Variants in GRID1 observed in about 807,000 individuals in gnomAD.
The protein encoded by GRID1 is glutamate ionotropic receptor delta type subunit 1, also known as glutamate receptor ionotropic, delta-1.
Under a neutral mutation model 98.0 loss-of-function variants are expected in GRID1, and 28 were observed. The ratio of observed to expected loss-of-function variants is 0.29; its 90% CI spans 0.21 to 0.39. The LOEUF (loss-of-function observed/expected upper bound fraction) is 0.39. GRID1 is among the 10% of genes least tolerant of loss of function. GRID1 has a pLI of 1.00. For synonymous variants in GRID1, 553 were observed against 538.5 expected (o/e 1.03, Z -0.37); for missense variants, 1,111 against 1,340.5 (o/e 0.83, Z 2.67).
chr10:85,936,475 C>G (rs1029826171), intron 4 of GRID1, among the ~76,000 whole-genome samples: 5 of 151,114 alleles, frequency 3.3e-5, no homozygotes, highest in Non-Finnish European at 7.4e-5. Flanking sequence ...TGTCCCTTAT[C>G]TAGAAACTCA....
At chr10:85,713,136 T>G (rs952723828) in intron 12 of GRID1, among the ~76,000 whole-genome samples, 5 of 151,446 alleles carry the variant, frequency 3.3e-5, no homozygotes, top group African/African-American at 1.2e-4. Flanking sequence ...TTGGCTTTTT[T>G]GGAAAGATAA....
In GRID1 at chr10:86,366,527, G is replaced by A; in HGVS notation, c.-135C>T. 2.4e-6 allele frequency: 1 copy of A among 408,728 alleles called. No individual in the cohort carries two copies. The highest frequency in any genetic ancestry group is 4.9e-5 in the East Asian group (1 of 20,230). The allele number at this position is 408,728 out of a possible 1,614,324, so 25.3% of individuals were successfully genotyped here. On this transcript the variant is annotated 5_prime_UTR_variant, in exon 1 of 16. Coordinates refer to ENST00000327946, the MANE Select transcript of GRID1 (RefSeq NM_017551.3). This position sits in a 1 kb window ranked among gnomAD's most constrained non-coding sequence, Gnocchi z 4.1. ...CGAGCCCGCCCGTGCGTCTTCCCCC[G>A]CGCGCCCGCCCCTGCGCCCTGCGCC... is the stretch of plus-strand genomic sequence containing the variant.
At chr10:85,738,994 C>T (rs1419045239) in intron 8 of GRID1, among the ~76,000 whole-genome samples, 2 of 151,980 alleles carry the variant, frequency 1.3e-5, no homozygotes, top group Non-Finnish European at 2.9e-5. Flanking sequence ...AGATTTATTG[C>T]ACATACTAAA....
chr10:85,808,611 AG>A, intron 8 of GRID1, among the ~76,000 whole-genome samples: 1 of 152,328 alleles, frequency 6.6e-6, no homozygotes, highest in Admixed American at 6.5e-5. Context: ...CACATAAGGG[AG>A]GTTATGCCTT....
chr10:86,337,708 T>G (rs1319531652), intron 2 of GRID1, among the ~76,000 whole-genome samples: 1 of 121,538 alleles, frequency 8.2e-6, no homozygotes, highest in Non-Finnish European at 1.9e-5. Context: ...CTTTTTTTTT[T>G]TTTTTTTTTT....
intron 12 of GRID1, among the ~76,000 whole-genome samples, chr10:85,654,380 C>A (rs753656038): frequency 1.1e-4 from 16 of 152,206 alleles, no homozygotes; most frequent in Admixed American, 2.0e-4. Context: ...AAGGGATAAG[C>A]AGTGAATGCC....
chr10:86,215,122 G>C (rs1296708965), intron 2 of GRID1, among the ~76,000 whole-genome samples: 1 of 152,224 alleles, frequency 6.6e-6, no homozygotes, highest in Non-Finnish European at 1.5e-5. Context: ...GTATGAGCCT[G>C]AGGCCTGGCT....
intron 3 of GRID1, among the ~76,000 whole-genome samples, chr10:86,188,659 G>A (rs537439552): frequency 6.6e-5 from 10 of 152,256 alleles, no homozygotes; most frequent in South Asian, 4.2e-4. Context: ...CTGCCCTGGG[G>A]CTACAGGACA....
rs112161367 is a variant in GRID1, at chr10:86,246,169, C to A, written c.236-39521G>T. On this transcript the variant is annotated intron_variant, in intron 2 of 15. Transcript: ENST00000327946. ...AACCAGGGCCTGTGCTGCTCCAGAA[C>A]CTCTCTGGCCTTGACTTAGAGCCAG... Among the ~76,000 whole-genome samples, 12 of 152,352 alleles carry A rather than the reference C, an allele frequency of 7.9e-5. 1 individual carries two copies. The highest frequency in any genetic ancestry group is 2.9e-4 in the African/African-American group (12 of 41,594).
intron 4 of GRID1, among the ~76,000 whole-genome samples, chr10:86,056,928 C>T (rs1339500070): frequency 6.6e-6 from 1 of 152,230 alleles, no homozygotes; most frequent in Non-Finnish European, 1.5e-5. Context: ...TCAGAAGATG[C>T]CTTGTGCTTC....
At chr10:86,194,207 G>A (rs1191247002) in intron 3 of GRID1, among the ~76,000 whole-genome samples, 1 of 152,122 alleles carries the variant, frequency 6.6e-6, no homozygotes, top group Admixed American at 6.6e-5. Flanking sequence ...ACCCCTAGAA[G>A]TACTTAGAGA....
chr10:85,959,547 G>A (rs1286401482), intron 4 of GRID1, among the ~76,000 whole-genome samples: 4 of 84,932 alleles, frequency 4.7e-5, no homozygotes, highest in African/African-American at 8.9e-5. Flanking sequence ...GCCCCCACCC[G>A]AGGCAACCAC....
In GRID1 at chr10:85,618,914, C is replaced by T. The variant is rs566586159; in HGVS notation, c.2360+953G>A. Reference sequence around the variant, plus strand: ...TAAAGAAATGGTTTATGAGGACTCTCACGTCTCCAAATAGAAGTTCCTTAG... The same window carrying T: ...TAAAGAAATGGTTTATGAGGACTCTTACGTCTCCAAATAGAAGTTCCTTAG... On this transcript the variant is annotated intron_variant, in intron 14 of 15. Transcript: ENST00000327946. 9.8e-5 allele frequency among the ~76,000 whole-genome samples: 15 copies of T among 152,314 alleles called. No homozygotes were observed. The South Asian group carries it at 3.1e-3, about 32-fold the overall frequency.
At chr10:86,172,308 T>C (rs1313541798) in intron 3 of GRID1, among the ~76,000 whole-genome samples, 1 of 152,200 alleles carries the variant, frequency 6.6e-6, no homozygotes, top group African/African-American at 2.4e-5. Flanking sequence ...TCAAGGTTCA[T>C]CGCTACCCTA....
chr10:86,113,662 C>A (rs761439078), intron 4 of GRID1, among the ~76,000 whole-genome samples: 30 of 152,208 alleles, frequency 2.0e-4, no homozygotes, highest in Non-Finnish European at 3.4e-4. Flanking sequence ...CAGACCCCCA[C>A]ACCCTGCAGA....
At chr10:85,664,719 A>G (rs1050986927) in intron 12 of GRID1, among the ~76,000 whole-genome samples, 1 of 152,182 alleles carries the variant, frequency 6.6e-6, no homozygotes, top group Non-Finnish European at 1.5e-5. Flanking sequence ...AGGAGGGCGC[A>G]ATAGGTCCCC....
At chr10:85,891,425 C>T (rs1232416346) in intron 5 of GRID1, among the ~76,000 whole-genome samples, 1 of 152,090 alleles carries the variant, frequency 6.6e-6, no homozygotes, top group Non-Finnish European at 1.5e-5. Flanking sequence ...AAAAAACATA[C>T]ATTCAGAAGG....
chr10:86,335,088 G>T (rs890736706), intron 2 of GRID1, among the ~76,000 whole-genome samples: 6 of 152,234 alleles, frequency 3.9e-5, no homozygotes, highest in African/African-American at 1.2e-4. Context: ...ATCACTCCTT[G>T]CCTTTTAAAA....
intron 8 of GRID1, among the ~76,000 whole-genome samples, chr10:85,796,700 C>CA (rs61100651): frequency 0.27 from 38,343 of 141,918 alleles, 5,598 homozygotes; most frequent in African/African-American, 0.4. Flanking sequence ...TGATCTAACT[C>CA]AAAAAAAAAA....
Sources: allele counts gnomAD v4.1 joint callset (sites outside exome capture counted in the v4.1 genomes callset), GRCh38; gene constraint gnomAD v4.1.1; non-coding constraint Gnocchi (gnomAD v3.1); transcripts MANE v1.5; gene names NCBI Gene and HGNC (gene_info 2026-07-23, HGNC 2026-07-21).